The following ABL1 variants were observed in gnomAD, a reference collection of about 807,000 sequenced individuals.
The protein encoded by ABL1 is tyrosine-protein kinase ABL1.
Under a neutral mutation model 94.7 loss-of-function variants are expected in ABL1, and 11 were observed. The observed-to-expected ratio is 0.12, with a 90% CI of 0.07 to 0.19. The LOEUF (loss-of-function observed/expected upper bound fraction) is 0.19, where lower values mean the gene tolerates loss of function less well. Among genes scored for constraint, ABL1 ranks in the 10% least tolerant of loss-of-function variants. The pLI is 1.00. For missense variants in ABL1, 1,082 were observed against 1,489.4 expected (o/e 0.73, Z 4.50); for synonymous variants, 656 against 622.4 (o/e 1.05, Z -0.80).
At position 130,842,774 on chromosome 9, in the gene ABL1, A is replaced by G. The variant is rs34581184; in HGVS notation, c.79+7249A>G. On this transcript the variant is annotated intron_variant, in intron 1 of 10. Transcript: ENST00000318560. ...CAGTCTGTTGCAAATGGCCTGTGAC[A>G]ATAAAAATGCCTTTGTGGGTATTAG... is the stretch of plus-strand genomic sequence containing the variant. 3.2e-3 allele frequency among the ~76,000 whole-genome samples: 484 copies of G among 152,348 alleles called. 6 individuals are homozygous for G. The East Asian group carries it at 0.034, about 11-fold the overall frequency.
intron 1 of ABL1, among the ~76,000 whole-genome samples, chr9:130,727,004 T>C (rs1831595172): frequency 6.6e-6 from 1 of 152,220 alleles, no homozygotes; most frequent in Admixed American, 6.5e-5. Context: ...TTTAATTTCA[T>C]TGTGGTCAGA....
At chr9:130,840,808 T>G (rs2132927197) in intron 1 of ABL1, among the ~76,000 whole-genome samples, 1 of 152,194 alleles carries the variant, frequency 6.6e-6, no homozygotes, top group East Asian at 1.9e-4. Context: ...CATGAGCCAC[T>G]GCACCCAGCC....
At chr9:130,735,953 A>AT (rs869189501) in intron 1 of ABL1, among the ~76,000 whole-genome samples, 4 of 81,546 alleles carry the variant, frequency 4.9e-5, no homozygotes, top group African/African-American at 2.1e-4. Flanking sequence ...ATATATATAT[A>AT]TATATATATT....
chr9:130,835,608 C>A lies in ABL1; in HGVS notation c.79+83C>A. ...GGCCCTTCCTAGGCCTCGCCGCCCG[C>A]GCGCTCCCGCCTGCGCCCTCCCCGG... is the stretch of plus-strand genomic sequence containing the variant. On this transcript the variant is annotated intron_variant, in intron 1 of 10. Transcript: ENST00000318560. The surrounding 1 kb of genome is among the most constrained non-coding windows in gnomAD (Gnocchi z 4.6). The A allele has an allele frequency of 8.5e-7, 1 of 1,181,450 alleles. No individual in the cohort carries two copies. Among genetic ancestry groups the A allele is most frequent in the Non-Finnish European group, 1.2e-6 (1 of 824,224 alleles). 73.2% of individuals were successfully genotyped at this position (1,181,450 alleles called of 1,614,324 possible).
In ABL1 at chr9:130,862,193, A is replaced by C. The variant is rs1389353974; in HGVS notation, c.550-570A>C. 1.3e-5 allele frequency among the ~76,000 whole-genome samples: 2 copies of C among 152,232 alleles called. No individual in the cohort carries two copies. Among genetic ancestry groups the C allele is most frequent in the Non-Finnish European group, 2.9e-5 (2 of 68,042 alleles). ...TACCCACCAAGTTCTACCATGTGTT[A>C]ATTTAATCAACAGTTATTTATTGAG... On this transcript the variant is annotated intron_variant, in intron 3 of 10. Coordinates refer to ENST00000318560, the MANE Select transcript of ABL1 (RefSeq NM_005157.6). The surrounding 1 kb of genome is among the most constrained non-coding windows in gnomAD (Gnocchi z 5.5).
rs1308052764 is a variant in ABL1 at position 130,862,823 on chromosome 9, A to G, written c.610A>G (p.Thr204Ala). 9.9e-6 allele frequency: 16 copies of G among 1,613,912 alleles called. No individual in the cohort carries two copies. Among genetic ancestry groups the G allele is most frequent in the Non-Finnish European group, 1.2e-5 (14 of 1,180,000 alleles). The change falls in exon 4 of 11, where the codon ACG becomes GCG. Residue 204 changes from threonine to alanine, a missense_variant. By Grantham distance (58) the Thr-to-Ala change is moderately conservative. Around this residue, in one of 7 missense-constraint regions of ABL1, gnomAD observed 92 missense variants for 212.3 expected, o/e 0.43. Coordinates refer to ENST00000318560, the MANE Select transcript of ABL1 (RefSeq NM_005157.6). The surrounding 1 kb of genome is among the most constrained non-coding windows in gnomAD (Gnocchi z 5.5). ...GGCCGAGTTGGTTCATCATCATTCA[A>G]CGGTGGCCGACGGGCTCATCACCAC... Reference protein sequence around the residue: ...TLAELVHHHSTVADGLITTLH... With the variant: ...TLAELVHHHSAVADGLITTLH...
At chr9:130,878,675 A>G (rs1260409699) in intron 8 of ABL1, 108 bp downstream of exon 8, 5 of 1,352,314 alleles carry the variant, frequency 3.7e-6, no homozygotes, top group African/African-American at 1.4e-5. Flanking sequence ...AGCTCTCTCC[A>G]TTCCAGTTCT....
At chr9:130,723,937 G>A (rs1054229643) in intron 1 of ABL1, among the ~76,000 whole-genome samples, 18 of 151,448 alleles carry the variant, frequency 1.2e-4, no homozygotes, top group Admixed American at 3.3e-4. Context: ...TCAGCCTCCC[G>A]AGTAGCTAGG....
chr9:130,832,329 CA>C (rs35298043), upstream of ABL1, among the ~76,000 whole-genome samples: 5,168 of 131,782 alleles, frequency 0.039, 97 homozygotes, highest in South Asian at 0.06. Context: ...TTCACCATCT[CA>C]AAAAAAAAAA....
In ABL1 at chr9:130,851,331, C is replaced by A. The variant is rs149561755; in HGVS notation, c.80-2733C>A. On this transcript the variant is annotated intron_variant, in intron 1 of 10. Coordinates refer to ENST00000318560, the MANE Select transcript of ABL1 (RefSeq NM_005157.6). Reference sequence around the variant, plus strand: ...TCCTGTTCCTTGAAATTATCTTTGCCCCCCGCCATTCAGAAAAATTACCAA... The same window carrying A: ...TCCTGTTCCTTGAAATTATCTTTGCACCCCGCCATTCAGAAAAATTACCAA... Among the ~76,000 whole-genome samples the A allele has an allele frequency of 2.8e-3, 422 of 152,152 alleles. 2 individuals are homozygous for A. Among genetic ancestry groups the A allele is most frequent in the Middle Eastern group, 0.01 (3 of 294 alleles).
At chr9:130,723,633 A>G (rs550914662) in intron 1 of ABL1, among the ~76,000 whole-genome samples, 76 of 152,090 alleles carry the variant, frequency 5.0e-4, no homozygotes, top group African/African-American at 1.8e-3. Context: ...TTCTGAAACC[A>G]TATTTTACAT....
intron 1 of ABL1, among the ~76,000 whole-genome samples, chr9:130,777,041 T>G (rs1309536736): frequency 6.6e-6 from 1 of 152,244 alleles, no homozygotes; most frequent in African/African-American, 2.4e-5. Context: ...ACAGCTCTTA[T>G]TTAAAAAATC....
chr9:130,872,947 G>C lies in ABL1; in HGVS notation c.995G>C (p.Arg332Pro). The change falls in exon 6 of 11, where the codon CGG becomes CCG. Residue 332 changes from arginine (R) to proline (P), a missense_variant. Physicochemically the swap from Arg to Pro is moderately radical, Grantham distance 103. Coordinates refer to ENST00000318560, the MANE Select transcript of ABL1 (RefSeq NM_005157.6). This position sits in a 1 kb window ranked among gnomAD's most constrained non-coding sequence, Gnocchi z 5.0. ...NLLDYLRECNRQEVNAVVLLY... is the reference protein window; with the variant it reads ...NLLDYLRECNPQEVNAVVLLY... ...CTGGACTACCTGAGGGAGTGCAACC[G>C]GCAGGAGGTGAACGCCGTGGTGCTG... 1 of 1,614,174 alleles carries C rather than the reference G, an allele frequency of 6.2e-7. No individual in the cohort carries two copies. The highest frequency in any genetic ancestry group is 8.5e-7 in the Non-Finnish European group (1 of 1,180,038).
At chr9:130,754,284 G>A (rs1832012290) in intron 1 of ABL1, among the ~76,000 whole-genome samples, 1 of 150,886 alleles carries the variant, frequency 6.6e-6, no homozygotes, top group African/African-American at 2.4e-5. Context: ...CGAGGCGGGT[G>A]GATTACGAGG....
intron 1 of ABL1, among the ~76,000 whole-genome samples, chr9:130,845,539 G>A (rs1214457457): frequency 6.6e-6 from 1 of 151,892 alleles, no homozygotes; most frequent in Non-Finnish European, 1.5e-5. Context: ...ACGTGGTTTA[G>A]TAGAGACGAC....
intron 1 of ABL1, among the ~76,000 whole-genome samples, chr9:130,844,060 G>A (rs192791460): frequency 1.4e-4 from 22 of 152,250 alleles, no homozygotes; most frequent in African/African-American, 4.6e-4. Context: ...TGCCCCCGAT[G>A]ACACTGCCAG....
At chr9:130,718,780 G>A (rs1831478842) in intron 1 of ABL1, among the ~76,000 whole-genome samples, 1 of 152,150 alleles carries the variant, frequency 6.6e-6, no homozygotes, top group Admixed American at 6.6e-5. Flanking sequence ...TACTTGAGTG[G>A]CTGAGGTGGG....
intron 3 of ABL1, among the ~76,000 whole-genome samples, chr9:130,856,482 A>G (rs1830977473): frequency 2.0e-5 from 3 of 152,186 alleles, no homozygotes; most frequent in Non-Finnish European, 4.4e-5. Context: ...TCGGCCTCCC[A>G]AAATGCTGGG....
At chr9:130,848,345 G>GAAAAAAAAAA (rs34112720) in intron 1 of ABL1, among the ~76,000 whole-genome samples, 1 of 69,730 alleles carries the variant, frequency 1.4e-5, no homozygotes, top group Non-Finnish European at 2.8e-5. Flanking sequence ...TACTGAAAAT[G>GAAAAAAAAAA]AAAAAAAAAA....
Sources: gnomAD v4.1 joint callset for allele counts (sites outside exome capture counted in the v4.1 genomes callset) on GRCh38, gnomAD v4.1.1 for gene constraint, gnomAD v4.1.1 regional missense constraint, Gnocchi (gnomAD v3.1) non-coding constraint, MANE v1.5 for transcripts, NCBI Gene and HGNC (gene_info 2026-07-23, HGNC 2026-07-21) for gene names.